Variants in ITIH5 observed in about 807,000 individuals in gnomAD.
The protein encoded by ITIH5 is inter-alpha-trypsin inhibitor heavy chain 5, also known as inter-alpha-trypsin inhibitor heavy chain H5.
In ITIH5, 65 loss-of-function variants were observed where a neutral mutation model predicts 77.5. The ratio of observed to expected loss-of-function variants is 0.84; its 90% CI spans 0.69 to 1.03. ITIH5 has a LOEUF of 1.03. Ranked by LOEUF, ITIH5 falls within the 50% of genes least tolerant of loss-of-function variation. The pLI is 0.00. For synonymous variants in ITIH5, 525 were observed against 494.3 expected (o/e 1.06, Z -0.82); for missense variants, 1,208 against 1,213.1 (o/e 1.00, Z 0.06).
At chr10:7,663,866 C>T (rs1345729306) in intron 1 of ITIH5, among the ~76,000 whole-genome samples, 1 of 152,204 alleles carries the variant, frequency 6.6e-6, no homozygotes, top group Non-Finnish European at 1.5e-5. Flanking sequence ...ATTATTTTCA[C>T]ATAAAGCTCC....
At chr10:7,572,522 A>G in intron 11 of ITIH5, 1 of 1,212,724 alleles carries the variant, frequency 8.2e-7, no homozygotes, top group Non-Finnish European at 1.1e-6. Flanking sequence ...CTCTAAAACA[A>G]ATGTCTTCTA....
chr10:7,664,429 C>T (rs1298514206), intron 1 of ITIH5, among the ~76,000 whole-genome samples: 1 of 151,296 alleles, frequency 6.6e-6, no homozygotes, highest in Non-Finnish European at 1.5e-5. Context: ...AAATGTGTTC[C>T]ATGGACCACC....
intron 1 of ITIH5, among the ~76,000 whole-genome samples, chr10:7,665,934 T>C (rs1461836270): frequency 6.6e-6 from 1 of 152,186 alleles, no homozygotes; most frequent in Non-Finnish European, 1.5e-5. Flanking sequence ...ATTTAGGCAG[T>C]TGGGCTTCAA....
At chr10:7,640,626 A>AT (rs1434501601) in intron 4 of ITIH5, 128 bp downstream of exon 4, 1 of 632,828 alleles carries the variant, frequency 1.6e-6, no homozygotes, top group African/African-American at 1.8e-5. Context: ...ATGTATTTAT[A>AT]TTTTGATAAA....
intron 7 of ITIH5, among the ~76,000 whole-genome samples, chr10:7,604,889 A>G (rs994149941): frequency 1.3e-5 from 2 of 151,844 alleles, no homozygotes; most frequent in Non-Finnish European, 2.9e-5. Context: ...TGGTGTGATC[A>G]TGGCTCACTG....
intron 7 of ITIH5, among the ~76,000 whole-genome samples, chr10:7,605,650 G>A (rs1396773315): frequency 6.6e-6 from 1 of 152,054 alleles, no homozygotes; most frequent in Non-Finnish European, 1.5e-5. Flanking sequence ...CCCAAGAAGT[G>A]GGGGGCTGTG....
At chr10:7,638,279 G>A (rs1833832644) in intron 4 of ITIH5, among the ~76,000 whole-genome samples, 1 of 152,194 alleles carries the variant, frequency 6.6e-6, no homozygotes, top group Non-Finnish European at 1.5e-5. Context: ...CAAGTCCAAT[G>A]TGAATGAATG....
chr10:7,640,775 T>C lies in ITIH5; in HGVS notation c.380A>G (p.Asn127Ser). The change falls in exon 4 of 14, where the codon AAT (asparagine) becomes AGT (serine). Residue 127 changes from asparagine (N) to serine (S), a missense_variant. By Grantham distance (46) the Asn-to-Ser change is conservative (BLOSUM62 1). Coordinates refer to ENST00000397146, the MANE Select transcript of ITIH5 (RefSeq NM_030569.7). ...KSGDRVKEKR[N>S]KTTEENGEKG... is the part of the protein sequence containing the mutation. ...TTACCCATTTTCTTCTGTGGTTTTATTCCTTTTCTCTTTTACCCTATCACC... is the reference window on the plus strand; with the variant it reads ...TTACCCATTTTCTTCTGTGGTTTTACTCCTTTTCTCTTTTACCCTATCACC... 1.9e-6 allele frequency: 3 copies of C among 1,612,114 alleles called. No homozygotes were observed. Among genetic ancestry groups the C allele is most frequent in the Non-Finnish European group, 2.5e-6 (3 of 1,178,194 alleles).
chr10:7,559,588 A>T lies in ITIH5; in HGVS notation c.*3495T>A, dbSNP rs558348277. The T allele has an allele frequency of 4.5e-5, 11 of 244,660 alleles. No individual in the cohort carries two copies. The East Asian group carries it at 1.2e-3, about 27-fold the overall frequency. 15.2% of individuals were successfully genotyped at this position (244,660 alleles called of 1,614,324 possible). A position where few individuals can be genotyped will look rare whatever the true frequency, so the allele number is the denominator to read the frequency against. Reference sequence around the variant, plus strand: ...GTTTGTGTACATTCTGGGAAGCTTAAAGAACAGAAAAAGAATTAACGTTTT... The same window carrying T: ...GTTTGTGTACATTCTGGGAAGCTTATAGAACAGAAAAAGAATTAACGTTTT... On this transcript the variant is annotated 3_prime_UTR_variant, in exon 14 of 14. Transcript: ENST00000397146.
chr10:7,599,675 T>C (rs759003782), intron 7 of ITIH5, among the ~76,000 whole-genome samples: 9 of 152,186 alleles, frequency 5.9e-5, no homozygotes, highest in Non-Finnish European at 1.3e-4. Context: ...CAGAGATGTG[T>C]CTTCACAAAC....
intron 7 of ITIH5, among the ~76,000 whole-genome samples, chr10:7,601,520 C>A (rs1017442650): frequency 6.6e-6 from 1 of 152,182 alleles, no homozygotes; most frequent in African/African-American, 2.4e-5. Flanking sequence ...CACAAGTCTG[C>A]TCCGTAGGAA....
chr10:7,582,250 A>G lies in ITIH5; in HGVS notation c.1109-2186T>C, dbSNP rs143282248. Among the ~76,000 whole-genome samples the G allele has an allele frequency of 2.5e-3, 387 of 152,264 alleles. 4 individuals carry two copies. Among genetic ancestry groups the G allele is most frequent in the African/African-American group, 8.7e-3 (363 of 41,534 alleles). On this transcript the variant is annotated intron_variant, in intron 8 of 13. Transcript: ENST00000397146. ...AAGTTTGGGAGCAAAATAAATAAAT[A>G]AAGTTGGGGCCTGTGTCTTTGATAG...
In ITIH5 at chr10:7,566,257, C is replaced by T. The variant is rs777034613; in HGVS notation, c.2300G>A (p.Gly767Asp). The T allele has an allele frequency of 1.4e-5, 23 of 1,613,492 alleles. No homozygotes were observed. The highest frequency in any genetic ancestry group is 3.3e-5 in the Admixed American group (2 of 59,886). The change falls in exon 13 of 14, where the codon GGT becomes GAT. Residue 767 changes from glycine (G) to aspartate (D), a missense_variant. Coordinates refer to ENST00000397146, the MANE Select transcript of ITIH5 (RefSeq NM_030569.7). ...GCAGGGGAGCACCAGTCTGTCCCCA[C>T]CATCCAAGATGACTCTGCTCGGTGT... is the stretch of plus-strand genomic sequence containing the variant. ...EITPSRVILD[G>D]GDRLVLPCNQ...
At chr10:7,565,314 TACAC>T (rs561932062) in intron 13 of ITIH5, among the ~76,000 whole-genome samples, 2 of 149,100 alleles carry the variant, frequency 1.3e-5, no homozygotes, top group East Asian at 3.9e-4. Flanking sequence ...TATATATATA[TACAC>T]ACACACATCA....
At chr10:7,612,237 T>C (rs1833261283) in intron 7 of ITIH5, among the ~76,000 whole-genome samples, 1 of 152,148 alleles carries the variant, frequency 6.6e-6, no homozygotes, top group African/African-American at 2.4e-5. Context: ...GTAGGGTGAA[T>C]AAATGTTCTG....
chr10:7,572,967 G>A (rs761915429), intron 11 of ITIH5, 175 bp downstream of exon 11: 10 of 554,242 alleles, frequency 1.8e-5, no homozygotes, highest in African/African-American at 7.7e-5. Flanking sequence ...TAGTAGAGAC[G>A]AGGTTTCACC....
At chr10:7,634,585 G>T (rs115445765) in intron 5 of ITIH5, among the ~76,000 whole-genome samples, 3 of 152,082 alleles carry the variant, frequency 2.0e-5, no homozygotes, top group African/African-American at 7.2e-5. Flanking sequence ...AACAGGCCCC[G>T]AATATAAACA....
intron 7 of ITIH5, among the ~76,000 whole-genome samples, chr10:7,593,075 C>T (rs900962815): frequency 8.5e-5 from 13 of 152,178 alleles, no homozygotes; most frequent in South Asian, 8.3e-4. Context: ...CAGAGGGACC[C>T]GCCTAGCTCT....
In ITIH5 at chr10:7,574,831, C is replaced by T. The variant is rs1483213519; in HGVS notation, c.1978+1622G>A. Among the ~76,000 whole-genome samples, 3 of 136,486 alleles carry T rather than the reference C, an allele frequency of 2.2e-5. No homozygotes were observed. The Admixed American group carries it at 2.2e-4, about 10-fold the overall frequency. The allele number at this position is 136,486 out of a possible 152,430, so 89.5% of individuals were successfully genotyped here. A position where few individuals can be genotyped will look rare whatever the true frequency, so the allele number is the denominator to read the frequency against. On this transcript the variant is annotated intron_variant, in intron 10 of 13. Transcript: ENST00000397146. ...AAAAAAAAGCAAAAAAAAACCCTTT[C>T]GAGTAGTCAGTTGGTTATCTCCTCC...
Sources: allele counts gnomAD v4.1 joint callset (sites outside exome capture counted in the v4.1 genomes callset), GRCh38; gene constraint gnomAD v4.1.1; transcripts MANE v1.5; gene names NCBI Gene and HGNC (gene_info 2026-07-23, HGNC 2026-07-21).